The following TRIM62 variants were observed in gnomAD, a reference collection of about 807,000 sequenced individuals.
TRIM62 encodes the protein tripartite motif containing 62, also known as E3 ubiquitin-protein ligase TRIM62.
TRIM62 carries 39 observed loss-of-function variants against 44.2 expected under a neutral mutation model. The observed-to-expected ratio is 0.88, with a 90% CI of 0.68 to 1.15. The LOEUF (loss-of-function observed/expected upper bound fraction) is 1.15, where lower values mean the gene tolerates loss of function less well. TRIM62 is among the 50% of genes most tolerant of loss of function. The pLI is 0.00. For missense variants in TRIM62, 544 were observed against 665.5 expected, an observed-to-expected ratio of 0.82 and a Z score of 2.01; for synonymous variants, 278 against 292.3, an observed-to-expected ratio of 0.95 and a Z score of 0.50.
At chr1:33,151,709 C>T (rs566969981) in intron 4 of TRIM62, among the ~76,000 whole-genome samples, 2 of 152,354 alleles carry the variant, frequency 1.3e-5, no homozygotes, top group East Asian at 1.9e-4. Context: ...CCCGTCTGGT[C>T]TCCAGGTGTG....
chr1:33,174,960 TATATATATACACAC>T (rs1474829743), intron 1 of TRIM62, among the ~76,000 whole-genome samples: 4 of 140,292 alleles, frequency 2.9e-5, no homozygotes, highest in African/African-American at 1.2e-4. Flanking sequence ...TATATATATA[TATATATATACACAC>T]ATATACATAT....
At position 33,177,050 on chromosome 1, in the gene TRIM62, C is replaced by CACAT. The variant is rs60947572; in HGVS notation, c.408+3974_408+3975insATGT. The stretch of plus-strand genomic sequence containing the variant: ...ACACACATACACATGCACACACACA[C>CACAT]GCACACACACACACATGCACACACA... On this transcript the variant is annotated intron_variant, in intron 1 of 4. Transcript: ENST00000291416. The surrounding 1 kb of genome is among the most constrained non-coding windows in gnomAD (Gnocchi z 4.1). 3.7e-3 allele frequency among the ~76,000 whole-genome samples: 539 copies of CACAT among 147,092 alleles called. 4 individuals are homozygous for CACAT. The highest frequency in any genetic ancestry group is 8.8e-3 in the Admixed American group (130 of 14,780).
Position 33,181,584 on chromosome 1 carries a change from C to T in TRIM62, c.-152G>A. The T allele has an allele frequency of 2.2e-6, 3 of 1,348,096 alleles. No homozygotes were observed. In the South Asian group the frequency reaches 4.7e-5, roughly 21 times the overall value. The allele number at this position is 1,348,096 out of a possible 1,614,324, so 83.5% of individuals were successfully genotyped here. On this transcript the variant is annotated 5_prime_UTR_variant, in exon 1 of 5. Transcript: ENST00000291416. The surrounding 1 kb of genome is among the most constrained non-coding windows in gnomAD (Gnocchi z 6.5). Reference sequence around the variant, plus strand: ...ACCGGAGAAGGGAGGGGGTGCTGTCCGGAAGGAGGGTAACGCGAGGAAGGG... The same window carrying T: ...ACCGGAGAAGGGAGGGGGTGCTGTCTGGAAGGAGGGTAACGCGAGGAAGGG...
chr1:33,158,122 A>AACAC (rs1210317950), intron 4 of TRIM62, 131 bp downstream of exon 4: 1 of 736,582 alleles, frequency 1.4e-6, no homozygotes, highest in Non-Finnish European at 2.3e-6. Flanking sequence ...CAGGTCCTGG[A>AACAC]ACACACTAGG....
chr1:33,146,941 C>T lies in TRIM62; in HGVS notation c.*236G>A. 1.8e-6 allele frequency: 1 copy of T among 561,264 alleles called. No homozygotes were observed. The highest frequency in any genetic ancestry group is 3.2e-6 in the Non-Finnish European group (1 of 315,544). 34.8% of individuals were successfully genotyped at this position (561,264 alleles called of 1,614,324 possible). ...GCCCTGAGGAGAAGCCATGTCACAT[C>T]CTTGGATCAAAGCTGTATCCCTATC... On this transcript the variant is annotated 3_prime_UTR_variant, in exon 5 of 5. Transcript: ENST00000291416.
chr1:33,161,000 C>T (rs866385473), intron 2 of TRIM62, among the ~76,000 whole-genome samples: 1 of 152,326 alleles, frequency 6.6e-6, no homozygotes. Flanking sequence ...GCCTGACAGT[C>T]TGCGTAAGGA....
Position 33,181,839 on chromosome 1 carries a change from C to T in TRIM62, c.-407G>A, listed in dbSNP as rs1260852922. Among the ~76,000 whole-genome samples the T allele has an allele frequency of 1.0e-4, 1 of 9,554 alleles. No individual in the cohort carries two copies. Among genetic ancestry groups the T allele is most frequent in the East Asian group, 2.2e-3 (1 of 460 alleles). 6.3% of individuals were successfully genotyped at this position (9,554 alleles called of 152,430 possible). On this transcript the variant is annotated 5_prime_UTR_variant, in exon 1 of 5. Transcript: ENST00000291416. The surrounding 1 kb of genome is among the most constrained non-coding windows in gnomAD (Gnocchi z 6.5). Reference sequence around the variant, plus strand: ...TCGAAATCCCGGGGTGGGGGCGGTGCGGGGAGGGCGAGAAGCTGGGGATGG... The same window carrying T: ...TCGAAATCCCGGGGTGGGGGCGGTGTGGGGAGGGCGAGAAGCTGGGGATGG...
chr1:33,157,430 G>A (rs1645194756), intron 4 of TRIM62, among the ~76,000 whole-genome samples: 1 of 151,924 alleles, frequency 6.6e-6, no homozygotes, highest in African/African-American at 2.4e-5. Flanking sequence ...TCTCAGTGCG[G>A]GCTGGTTCCT....
rs1484033212 is a variant in TRIM62, at chr1:33,148,099, C to T, written c.878-372G>A. Among the ~76,000 whole-genome samples the T allele has an allele frequency of 2.0e-5, 3 of 152,072 alleles. No homozygotes were observed. The East Asian group carries it at 5.8e-4, about 29-fold the overall frequency. On this transcript the variant is annotated intron_variant, in intron 4 of 4. Transcript: ENST00000291416. ...TTCCAGATGATCCAGTTGCTACTGC[C>T]CCCTAGGGGGAATGGGGAAATTGGT...
intron 4 of TRIM62, among the ~76,000 whole-genome samples, chr1:33,152,516 A>G (rs556608424): frequency 1.3e-5 from 2 of 151,922 alleles, no homozygotes; most frequent in South Asian, 2.1e-4. Context: ...GTGGTGAGCC[A>G]AGATTGTGCC....
intron 3 of TRIM62, among the ~76,000 whole-genome samples, chr1:33,158,694 C>T (rs1645216126): frequency 6.6e-6 from 1 of 152,218 alleles, no homozygotes; most frequent in Non-Finnish European, 1.5e-5. Flanking sequence ...CAGTATTGAT[C>T]ACCAACAAAC....
At position 33,181,251 on chromosome 1, in the gene TRIM62, G is replaced by A. The variant is rs1248361251; in HGVS notation, c.182C>T (p.Ala61Val). The change falls in exon 1 of 5, where the codon GCG (alanine) becomes GTG (valine). Residue 61 changes from alanine (A) to valine (V), a missense_variant. Physicochemically the swap from Ala to Val is moderately conservative, Grantham distance 64 (BLOSUM62 0). Coordinates refer to ENST00000291416, the MANE Select transcript of TRIM62 (RefSeq NM_018207.3). The surrounding 1 kb of genome is among the most constrained non-coding windows in gnomAD (Gnocchi z 6.5). Reference sequence around the variant, plus strand: ...GGCCAGCTTGAGGCTGGGCGCCAGCGCGGGCTCGGCGAACGTGCGCCGGCA... The same window carrying A: ...GGCCAGCTTGAGGCTGGGCGCCAGCACGGGCTCGGCGAACGTGCGCCGGCA... ...PECRRTFAEPALAPSLKLANI... is the reference protein window; with the variant it reads ...PECRRTFAEPVLAPSLKLANI... The A allele has an allele frequency of 1.0e-5, 16 of 1,548,550 alleles. No individual in the cohort carries two copies. The highest frequency in any genetic ancestry group is 1.1e-5 in the Non-Finnish European group (13 of 1,152,914).
chr1:33,172,397 T>C (rs1257306530), intron 1 of TRIM62, among the ~76,000 whole-genome samples: 4 of 149,916 alleles, frequency 2.7e-5, no homozygotes, highest in African/African-American at 9.9e-5. Context: ...GAAGTCGGGG[T>C]GGTTGGGGAT....
intron 4 of TRIM62, among the ~76,000 whole-genome samples, chr1:33,153,510 C>G (rs1645132162): frequency 6.6e-6 from 1 of 152,174 alleles, no homozygotes. Flanking sequence ...TGGATAGAGG[C>G]CAGGGATGCC....
Position 33,168,665 on chromosome 1 carries a change from G to A in TRIM62, c.409-3099C>T, listed in dbSNP as rs12731268. Among the ~76,000 whole-genome samples, 27 of 152,334 alleles carry A rather than the reference G, an allele frequency of 1.8e-4. 1 individual carries two copies. In the South Asian group the frequency reaches 4.1e-3, roughly 23 times the overall value. On this transcript the variant is annotated intron_variant, in intron 1 of 4. Transcript: ENST00000291416. The stretch of plus-strand genomic sequence containing the variant: ...CAGCTGAAAGTCATTCCTAACATTC[G>A]TGTGCAGCTTGAGCGGATACAGTCC...
At chr1:33,148,919 C>T (rs1645056376) in intron 4 of TRIM62, among the ~76,000 whole-genome samples, 1 of 152,152 alleles carries the variant, frequency 6.6e-6, no homozygotes, top group Non-Finnish European at 1.5e-5. Flanking sequence ...CAGGACTAAC[C>T]AAGGTCGTCT....
chr1:33,145,842 C>T lies in TRIM62; in HGVS notation c.*1335G>A, dbSNP rs1286102800. The T allele has an allele frequency of 4.2e-6, 2 of 470,932 alleles. No homozygotes were observed. The highest frequency in any genetic ancestry group is 8.8e-6 in the Non-Finnish European group (2 of 226,920). 29.2% of individuals were successfully genotyped at this position (470,932 alleles called of 1,614,324 possible). Reference sequence around the variant, plus strand: ...AAAAACGCAGGTGGGGCTTGCTCCACCCACCCTAACTTCCTTCTAGGGAAA... The same window carrying T: ...AAAAACGCAGGTGGGGCTTGCTCCATCCACCCTAACTTCCTTCTAGGGAAA... On this transcript the variant is annotated 3_prime_UTR_variant, in exon 5 of 5. Coordinates refer to ENST00000291416, the MANE Select transcript of TRIM62 (RefSeq NM_018207.3).
chr1:33,155,645 C>T (rs543723070), intron 4 of TRIM62, among the ~76,000 whole-genome samples: 1 of 152,154 alleles, frequency 6.6e-6, no homozygotes, highest in East Asian at 1.9e-4. Context: ...AGGACAAGTT[C>T]CTAACAGCTC....
At chr1:33,157,748 GT>G (rs957559711) in intron 4 of TRIM62, among the ~76,000 whole-genome samples, 32 of 145,374 alleles carry the variant, frequency 2.2e-4, no homozygotes, top group East Asian at 4.0e-4. Context: ...CCTATCTCAT[GT>G]TTTTTTTTTT....
Sources: gnomAD v4.1 joint callset for allele counts (sites outside exome capture counted in the v4.1 genomes callset) on GRCh38, gnomAD v4.1.1 for gene constraint, Gnocchi (gnomAD v3.1) non-coding constraint, MANE v1.5 for transcripts, NCBI Gene and HGNC (gene_info 2026-07-23, HGNC 2026-07-21) for gene names.